The following ZNF385D variants were observed in gnomAD, a reference collection of about 807,000 sequenced individuals.
ZNF385D encodes the protein zinc finger protein 385D, also known as zinc finger protein 659.
In ZNF385D, 15 loss-of-function variants were observed where a neutral mutation model predicts 35.8. That is an observed-to-expected ratio of 0.42 (90% CI 0.28 to 0.64). The LOEUF is 0.64. Ranked by LOEUF, ZNF385D falls within the 30% of genes least tolerant of loss-of-function variation. The probability of loss-of-function intolerance (pLI) is 0.23; values close to 1 mark genes in which losing one functional copy is unlikely to be tolerated. For synonymous variants in ZNF385D, 212 were observed against 186.8 expected, an observed-to-expected ratio of 1.13 and a Z score of -1.10; for missense variants, 474 against 494.6, an observed-to-expected ratio of 0.96 and a Z score of 0.39.
At chr3:21,778,306 A>C (rs962120776) in intron 3 of ZNF385D, among the ~76,000 whole-genome samples, 3 of 151,782 alleles carry the variant, frequency 2.0e-5, no homozygotes, top group Non-Finnish European at 4.4e-5. Flanking sequence ...AAACACACTT[A>C]TTTCTTTCCC....
intron 2 of ZNF385D, among the ~76,000 whole-genome samples, chr3:22,242,164 C>A (rs958868408): frequency 6.6e-6 from 1 of 150,430 alleles, no homozygotes; most frequent in Non-Finnish European, 1.5e-5. Flanking sequence ...AGCGTGGCAC[C>A]TGTATACATA....
intron 3 of ZNF385D, among the ~76,000 whole-genome samples, chr3:21,770,859 A>G (rs984562154): frequency 1.7e-4 from 26 of 152,178 alleles, no homozygotes; most frequent in Non-Finnish European, 2.9e-4. Flanking sequence ...ACAATGATAG[A>G]TTGGATTAAG....
chr3:21,487,351 T>A (rs1205402044), intron 4 of ZNF385D, among the ~76,000 whole-genome samples: 2 of 152,094 alleles, frequency 1.3e-5, no homozygotes, highest in Non-Finnish European at 2.9e-5. Context: ...TCACATTTGT[T>A]AGAATTAATT....
At chr3:21,470,563 A>G (rs552563705) in intron 4 of ZNF385D, among the ~76,000 whole-genome samples, 15 of 152,306 alleles carry the variant, frequency 9.8e-5, no homozygotes, top group African/African-American at 3.6e-4. Context: ...GAAAAGGCCA[A>G]ATCAAGTGAG....
intron 1 of ZNF385D, among the ~76,000 whole-genome samples, chr3:21,747,868 C>G (rs1473784359): frequency 6.6e-6 from 1 of 152,172 alleles, no homozygotes; most frequent in East Asian, 1.9e-4. Flanking sequence ...GGCTATTCAT[C>G]TTTGGCACAT....
At chr3:21,635,700 C>G (rs1341425588) in intron 2 of ZNF385D, among the ~76,000 whole-genome samples, 1 of 151,992 alleles carries the variant, frequency 6.6e-6, no homozygotes, top group Non-Finnish European at 1.5e-5. Flanking sequence ...TCTTTTATTC[C>G]TCACCCTCCC....
chr3:22,040,041 G>A (rs1033217438), intron 3 of ZNF385D, among the ~76,000 whole-genome samples: 2 of 152,150 alleles, frequency 1.3e-5, no homozygotes, highest in Non-Finnish European at 1.5e-5. Context: ...ACCTGGCCAT[G>A]CATTCGTACT....
chr3:22,314,428 C>G (rs906560814), intron 2 of ZNF385D, among the ~76,000 whole-genome samples: 1 of 152,148 alleles, frequency 6.6e-6, no homozygotes, highest in Non-Finnish European at 1.5e-5. Context: ...CAATCCCATC[C>G]AGATTGCAGT....
intron 2 of ZNF385D, among the ~76,000 whole-genome samples, chr3:21,660,176 G>A (rs948985068): frequency 2.6e-5 from 4 of 151,832 alleles, no homozygotes; most frequent in Non-Finnish European, 5.9e-5. Context: ...TTGCTTTCAT[G>A]ATAAAATCAT....
intron 2 of ZNF385D, among the ~76,000 whole-genome samples, chr3:21,653,797 A>G (rs1050736080): frequency 1.4e-4 from 22 of 152,052 alleles, no homozygotes; most frequent in Non-Finnish European, 3.1e-4. Context: ...TTCTTTATAG[A>G]GCTCCAAAAG....
chr3:21,823,722 T>C (rs577702844), intron 3 of ZNF385D, among the ~76,000 whole-genome samples: 2 of 152,292 alleles, frequency 1.3e-5, no homozygotes, highest in African/African-American at 4.8e-5. Flanking sequence ...ACAGAAGGTA[T>C]GTTTCCAAAG....
chr3:21,664,419 A>T (rs1369350473), intron 2 of ZNF385D, among the ~76,000 whole-genome samples: 3 of 152,230 alleles, frequency 2.0e-5, no homozygotes, highest in African/African-American at 7.2e-5. Context: ...GGTGGGAAGA[A>T]AGTGCTGTAT....
At chr3:22,179,100 A>T (rs1006818650) in intron 2 of ZNF385D, among the ~76,000 whole-genome samples, 4 of 152,092 alleles carry the variant, frequency 2.6e-5, no homozygotes, top group Non-Finnish European at 5.9e-5. Flanking sequence ...ACTTTAAAGT[A>T]GTTTTTTCCA....
intron 2 of ZNF385D, among the ~76,000 whole-genome samples, chr3:22,318,739 C>G (rs1310556567): frequency 6.6e-6 from 1 of 151,892 alleles, no homozygotes; most frequent in East Asian, 1.9e-4. Context: ...AAGAAACAAC[C>G]CAGAGTATAC....
chr3:21,951,586 C>T (rs1440388467), intron 3 of ZNF385D, among the ~76,000 whole-genome samples: 4 of 151,478 alleles, frequency 2.6e-5, no homozygotes, highest in East Asian at 3.9e-4. Flanking sequence ...TCCAATACTA[C>T]GTTGAATAAG....
chr3:22,106,963 G>A (rs17593925), intron 3 of ZNF385D, among the ~76,000 whole-genome samples: 4,573 of 151,390 alleles, frequency 0.03, 111 homozygotes, highest in Non-Finnish European at 0.046. Context: ...TCTGACATGA[G>A]CTCCTGGCAG....
chr3:21,785,462 A>C (rs1018563469), intron 3 of ZNF385D, among the ~76,000 whole-genome samples: 2 of 152,116 alleles, frequency 1.3e-5, no homozygotes, highest in Non-Finnish European at 2.9e-5. Context: ...TCAGTACACT[A>C]TGCAATATTA....
At chr3:21,694,818 T>C (rs1202482071) in intron 1 of ZNF385D, among the ~76,000 whole-genome samples, 1 of 152,010 alleles carries the variant, frequency 6.6e-6, no homozygotes, top group Admixed American at 6.6e-5. Flanking sequence ...GTCGGGCCAG[T>C]TATTTAACTT....
At chr3:21,496,777 A>C (rs1705927401) in intron 4 of ZNF385D, among the ~76,000 whole-genome samples, 1 of 152,012 alleles carries the variant, frequency 6.6e-6, no homozygotes, top group African/African-American at 2.4e-5. Flanking sequence ...GACTCATCAC[A>C]TAAAGAGAAC....
Sources: gnomAD v4.1 joint callset for allele counts (sites outside exome capture counted in the v4.1 genomes callset) on GRCh38, gnomAD v4.1.1 for gene constraint, MANE v1.5 for transcripts, NCBI Gene and HGNC (gene_info 2026-07-23, HGNC 2026-07-21) for gene names.